NAALADL2: variants seen among roughly 807,000 people sequenced by gnomAD.
The protein encoded by NAALADL2 is N-acetylated alpha-linked acidic dipeptidase like 2.
NAALADL2 carries 76 observed loss-of-function variants against 87.2 expected under a neutral mutation model. The observed-to-expected ratio is 0.87, with a 90% confidence interval of 0.72 to 1.05. The LOEUF is 1.05. NAALADL2 is among the 50% of genes least tolerant of loss of function. The pLI is 0.00. For missense variants in NAALADL2, 1,089 were observed against 945.8 expected (o/e 1.15, Z -1.99); for synonymous variants, 354 against 331.0 (o/e 1.07, Z -0.75).
At chr3:174,741,582 T>G (rs2109010930) in intron 3 of NAALADL2, among the ~76,000 whole-genome samples, 2 of 151,688 alleles carry the variant, frequency 1.3e-5, no homozygotes, top group East Asian at 3.9e-4. Flanking sequence ...AGCGGTTTTC[T>G]TTCTAAAGGT....
intron 1 of NAALADL2, among the ~76,000 whole-genome samples, chr3:174,905,052 A>C (rs542902336): frequency 6.6e-6 from 1 of 151,834 alleles, no homozygotes; most frequent in Non-Finnish European, 1.5e-5. Context: ...CTAGAATGAC[A>C]GAGTTTAGAA....
intron 2 of NAALADL2, among the ~76,000 whole-genome samples, chr3:175,133,867 G>T (rs1411966076): frequency 6.6e-6 from 1 of 152,168 alleles, no homozygotes; most frequent in Non-Finnish European, 1.5e-5. Flanking sequence ...CATTCAAAAT[G>T]AACATTTGAA....
At chr3:175,461,099 G>T (rs1560587635) in intron 6 of NAALADL2, among the ~76,000 whole-genome samples, 1 of 152,114 alleles carries the variant, frequency 6.6e-6, no homozygotes, top group African/African-American at 2.4e-5. Flanking sequence ...GCGCTGATTG[G>T]TGCATTTTTA....
At chr3:175,051,844 C>T (rs985276998) in intron 1 of NAALADL2, among the ~76,000 whole-genome samples, 2 of 152,068 alleles carry the variant, frequency 1.3e-5, no homozygotes, top group Non-Finnish European at 2.9e-5. Context: ...GGCTACAAAG[C>T]TTAATTAAGA....
At chr3:175,513,737 C>A (rs992671162) in intron 9 of NAALADL2, among the ~76,000 whole-genome samples, 2 of 152,138 alleles carry the variant, frequency 1.3e-5, no homozygotes, top group Non-Finnish European at 1.5e-5. Context: ...TAGACAGCAG[C>A]GTGTGGCATC....
chr3:174,702,540 A>G (rs548508411), intron 2 of NAALADL2, among the ~76,000 whole-genome samples: 31 of 152,332 alleles, frequency 2.0e-4, no homozygotes, highest in Non-Finnish European at 3.4e-4. Flanking sequence ...GAAATATGTC[A>G]TAAGGCAATT....
chr3:174,589,360 G>A (rs934148258), intron 2 of NAALADL2, among the ~76,000 whole-genome samples: 12 of 152,180 alleles, frequency 7.9e-5, no homozygotes, highest in African/African-American at 2.4e-4. Context: ...TTCAGCTCAC[G>A]CTCTGTGGGC....
At chr3:175,159,399 T>C (rs1195711854) in intron 2 of NAALADL2, among the ~76,000 whole-genome samples, 4 of 152,286 alleles carry the variant, frequency 2.6e-5, no homozygotes, top group African/African-American at 7.2e-5. Flanking sequence ...CAAACAGGAA[T>C]TGAAACTTTA....
intron 2 of NAALADL2, among the ~76,000 whole-genome samples, chr3:175,204,369 G>T (rs1442580797): frequency 6.6e-6 from 1 of 152,086 alleles, no homozygotes; most frequent in Non-Finnish European, 1.5e-5. Flanking sequence ...AATAGATGCA[G>T]AAAAATACAT....
At chr3:175,677,481 GTGTGT>G (rs1560961382) in intron 11 of NAALADL2, among the ~76,000 whole-genome samples, 6 of 119,170 alleles carry the variant, frequency 5.0e-5, no homozygotes, top group African/African-American at 2.4e-4. Context: ...ATAATGGGGT[GTGTGT>G]GTGTGTGTGT....
At chr3:174,511,793 C>G (rs970481259) in intron 1 of NAALADL2, among the ~76,000 whole-genome samples, 1 of 151,576 alleles carries the variant, frequency 6.6e-6, no homozygotes. Context: ...TGTTTCCACT[C>G]GTCTCAGCAT....
chr3:175,587,892 C>T lies in NAALADL2; in HGVS notation c.1800+11705C>T, dbSNP rs575273331. On this transcript the variant is annotated intron_variant, in intron 10 of 13. Transcript: ENST00000454872. ...TTGTATTACACTGTGGAGGGACAGA[C>T]GACAGACCAGATGTGATACACCTGG... Among the ~76,000 whole-genome samples, 25 of 152,150 alleles carry T rather than the reference C, an allele frequency of 1.6e-4. 1 individual carries two copies. Among genetic ancestry groups the T allele is most frequent in the Middle Eastern group, 3.4e-3 (1 of 294 alleles).
chr3:174,628,915 A>G (rs930983931), intron 2 of NAALADL2, among the ~76,000 whole-genome samples: 7 of 152,190 alleles, frequency 4.6e-5, no homozygotes, highest in Non-Finnish European at 7.4e-5. Flanking sequence ...TTTTCTTCCC[A>G]TGAACAGTTT....
At chr3:174,837,426 T>G (rs1398568670) in intron 3 of NAALADL2, among the ~76,000 whole-genome samples, 1 of 152,154 alleles carries the variant, frequency 6.6e-6, no homozygotes, top group Non-Finnish European at 1.5e-5. Context: ...AGATACAACC[T>G]TTTTATCTTA....
At chr3:175,335,481 C>T (rs1409961360) in intron 5 of NAALADL2, among the ~76,000 whole-genome samples, 2 of 152,144 alleles carry the variant, frequency 1.3e-5, no homozygotes, top group African/African-American at 4.8e-5. Flanking sequence ...AAAGCAGACT[C>T]TAAGAACCAC....
At chr3:174,743,045 C>A (rs983384443) in intron 3 of NAALADL2, among the ~76,000 whole-genome samples, 1 of 151,652 alleles carries the variant, frequency 6.6e-6, no homozygotes, top group African/African-American at 2.4e-5. Context: ...TAGCTCTGTT[C>A]TCATCAAGCC....
At chr3:175,032,700 A>G (rs1206281171) in intron 1 of NAALADL2, among the ~76,000 whole-genome samples, 2 of 152,052 alleles carry the variant, frequency 1.3e-5, no homozygotes, top group African/African-American at 4.8e-5. Flanking sequence ...CTACAAAATT[A>G]AAAAATATAT....
At chr3:175,048,651 A>G (rs1754982687) in intron 1 of NAALADL2, among the ~76,000 whole-genome samples, 1 of 151,972 alleles carries the variant, frequency 6.6e-6, no homozygotes, top group Non-Finnish European at 1.5e-5. Context: ...ATTGAATTTT[A>G]TGATCGGAAT....
intron 9 of NAALADL2, among the ~76,000 whole-genome samples, chr3:175,503,652 T>C (rs562268103): frequency 2.7e-4 from 41 of 152,256 alleles, no homozygotes; most frequent in African/African-American, 9.4e-4. Flanking sequence ...TATCTCATTG[T>C]GGTTTTGGTT....
Sources: allele counts gnomAD v4.1 joint callset (sites outside exome capture counted in the v4.1 genomes callset), GRCh38; gene constraint gnomAD v4.1.1; transcripts MANE v1.5; gene names NCBI Gene and HGNC (gene_info 2026-07-23, HGNC 2026-07-21).